Variants in DELE1 observed in about 807,000 individuals in gnomAD.
The protein encoded by DELE1 is death ligand signal enhancer.
A neutral mutation model predicts 59.3 loss-of-function variants in DELE1; 54 were observed. The ratio of observed to expected loss-of-function variants is 0.91; its 90% CI spans 0.73 to 1.14. The LOEUF (loss-of-function observed/expected upper bound fraction) is 1.14. Ranked by LOEUF, DELE1 falls within the 50% of genes most tolerant of loss-of-function variation. The pLI, the probability that DELE1 is intolerant of heterozygous loss-of-function variation, is 0.00. For missense variants in DELE1, 636 were observed against 643.9 expected (o/e 0.99, Z 0.13); for synonymous variants, 264 against 259.1 (o/e 1.02, Z -0.18).
At chr5:141,936,970 C>T (rs1316332509) in intron 10 of DELE1, 15 of 1,368,214 alleles carry the variant, frequency 1.1e-5, no homozygotes, top group Non-Finnish European at 1.4e-5. Context: ...ACTGCCCTGG[C>T]TGGAATCTCC....
Position 141,940,964 on chromosome 5 carries a change from G to A in DELE1, c.*2205G>A, listed in dbSNP as rs1752703862. 2 of 975,552 alleles carry A rather than the reference G, an allele frequency of 2.1e-6. No individual in the cohort carries two copies. The highest frequency in any genetic ancestry group is 2.4e-6 in the Non-Finnish European group (2 of 820,976). 60.4% of individuals were successfully genotyped at this position (975,552 alleles called of 1,614,324 possible). The stretch of plus-strand genomic sequence containing the variant: ...TCACAATACACATCAGCATATTTGA[G>A]GTTCCAAGAAGTCCTCCAGTAAAGA... On this transcript the variant is annotated 3_prime_UTR_variant, in exon 12 of 12. Coordinates refer to ENST00000432126, the MANE Select transcript of DELE1 (RefSeq NM_014773.5).
At position 141,933,406 on chromosome 5, in the gene DELE1, TCCCCTGCC is replaced by T. The variant is rs1752098833; in HGVS notation, c.897+9_897+16del. On this transcript the variant is annotated splice_donor_region_variant and intron_variant, in intron 8 of 11. Coordinates refer to ENST00000432126, the MANE Select transcript of DELE1 (RefSeq NM_014773.5). ...ACCCCCAGGGACATTAGCAAGGTAT[TCCCCTGCC>T]CCCAAGCCTGCCTTCTGTGCTGGGC... 6.8e-7 allele frequency: 1 copy of T among 1,473,884 alleles called. No homozygotes were observed. The allele number at this position is 1,473,884 out of a possible 1,614,324, so 91.3% of individuals were successfully genotyped here.
chr5:141,933,917 C>CT, intron 8 of DELE1: 1 of 188,396 alleles, frequency 5.3e-6, no homozygotes, highest in Non-Finnish European at 1.1e-5. Context: ...CTCTCTCTGC[C>CT]CCCCCCCACA....
In DELE1 at chr5:141,941,689, G is replaced by A. The variant is rs1015532392; in HGVS notation, c.*2930G>A. 27 of 985,250 alleles carry A rather than the reference G, an allele frequency of 2.7e-5. No homozygotes were observed. The highest frequency in any genetic ancestry group is 1.2e-4 in the African/African-American group (7 of 57,208). The allele number at this position is 985,250 out of a possible 1,614,324, so 61.0% of individuals were successfully genotyped here. A position where few individuals can be genotyped will look rare whatever the true frequency, so the allele number is the denominator to read the frequency against. ...CTCTACTGCCTCAGTTTCCCTATCC[G>A]GAGATGCTGTTTTCAGGGAGTCCTG... On this transcript the variant is annotated 3_prime_UTR_variant, in exon 12 of 12. Transcript: ENST00000432126.
intron 10 of DELE1, among the ~76,000 whole-genome samples, chr5:141,935,561 A>G (rs1213155178): frequency 6.6e-6 from 1 of 152,232 alleles, no homozygotes; most frequent in Non-Finnish European, 1.5e-5. Context: ...CCTGGGCATC[A>G]GAATGCTTTT....
chr5:141,939,924 G>A lies in DELE1; in HGVS notation c.*1165G>A, dbSNP rs1005846146. On this transcript the variant is annotated 3_prime_UTR_variant, in exon 12 of 12. Transcript: ENST00000432126. ...GTTGCATGACTTTATGAGTCGCTGG[G>A]CCAGGGTGAGGACCTGGGCCTCCTG... The A allele has an allele frequency of 1.2e-6, 1 of 819,788 alleles. No homozygotes were observed. Among genetic ancestry groups the A allele is most frequent in the Non-Finnish European group, 1.5e-6 (1 of 679,206 alleles). The allele number at this position is 819,788 out of a possible 1,614,324, so 50.8% of individuals were successfully genotyped here. A position where few individuals can be genotyped will look rare whatever the true frequency, so the allele number is the denominator to read the frequency against.
Position 141,939,195 on chromosome 5 carries a change from A to T in DELE1, c.*436A>T. On this transcript the variant is annotated 3_prime_UTR_variant, in exon 12 of 12. Coordinates refer to ENST00000432126, the MANE Select transcript of DELE1 (RefSeq NM_014773.5). Reference sequence around the variant, plus strand: ...AAGATTTTAGATGGTATTCAAATTAATATTTTCTATTTAGTTATATATTTA... The same window carrying T: ...AAGATTTTAGATGGTATTCAAATTATTATTTTCTATTTAGTTATATATTTA... 1 of 763,930 alleles carries T rather than the reference A, an allele frequency of 1.3e-6. No individual in the cohort carries two copies. The highest frequency in any genetic ancestry group is 1.6e-6 in the Non-Finnish European group (1 of 628,126). The allele number at this position is 763,930 out of a possible 1,614,324, so 47.3% of individuals were successfully genotyped here. A position where few individuals can be genotyped will look rare whatever the true frequency, so the allele number is the denominator to read the frequency against.
rs754026691 is a variant in DELE1, at chr5:141,941,965, A to G, written c.*3206A>G. 2.5e-4 allele frequency: 246 copies of G among 984,064 alleles called. No individual in the cohort carries two copies. Among genetic ancestry groups the G allele is most frequent in the Non-Finnish European group, 2.9e-4 (239 of 829,064 alleles). 61.0% of individuals were successfully genotyped at this position (984,064 alleles called of 1,614,324 possible). A position where few individuals can be genotyped will look rare whatever the true frequency, so the allele number is the denominator to read the frequency against. On this transcript the variant is annotated 3_prime_UTR_variant, in exon 12 of 12. Coordinates refer to ENST00000432126, the MANE Select transcript of DELE1 (RefSeq NM_014773.5). ...CCCCACTCGCCGCCTATACACACGC[A>G]CACACGCACACACACACACACGGTT... is the stretch of plus-strand genomic sequence containing the variant.
chr5:141,925,347 C>A, intron 2 of DELE1, 63 bp from the exon 3 acceptor site: 1 of 1,134,768 alleles, frequency 8.8e-7, no homozygotes, highest in Non-Finnish European at 1.2e-6. Context: ...AGGTGTGAGC[C>A]ACCGCACCCA....
In DELE1 at chr5:141,929,987, A is replaced by G; in HGVS notation, c.572-2A>G. ...GGCCGGGTGTCGGCCTTTCCCTTGC[A>G]GGTCCCGGTGATTTTGGCTTCCTGC... On this transcript the variant is annotated splice_acceptor_variant, in intron 5 of 11. Coordinates refer to ENST00000432126, the MANE Select transcript of DELE1 (RefSeq NM_014773.5). LOFTEE classifies it high-confidence loss of function. 1 of 1,613,890 alleles carries G rather than the reference A, an allele frequency of 6.2e-7. No individual in the cohort carries two copies. The highest frequency in any genetic ancestry group is 1.7e-5 in the Admixed American group (1 of 60,028).
chr5:141,938,708 C>T lies in DELE1; in HGVS notation c.1497C>T (p.Pro499=), dbSNP rs1488509398. 1.2e-6 allele frequency: 2 copies of T among 1,614,118 alleles called. No homozygotes were observed. The highest frequency in any genetic ancestry group is 2.2e-5 in the East Asian group (1 of 44,878). ...ASLEASSRAI[P]PHPYPLERSV... ...TGGAAGCCTCCAGCAGGGCTATTCC[C>T]CCACACCCCTACCCACTGGAAAGGA... The change falls in exon 12 of 12, where the codon CCC becomes CCT. Residue 499 remains proline, a synonymous_variant. Coordinates refer to ENST00000432126, the MANE Select transcript of DELE1 (RefSeq NM_014773.5).
At chr5:141,937,536 C>G (rs905346100) in intron 11 of DELE1, among the ~76,000 whole-genome samples, 179 bp downstream of exon 11, 1 of 151,754 alleles carries the variant, frequency 6.6e-6, no homozygotes, top group African/African-American at 2.4e-5. Context: ...TTTGGGAGGC[C>G]GAGACTGGCA....
rs1326893629 is a variant in DELE1, at chr5:141,925,458, A to G, written c.195A>G (p.Gly65=). The change falls in exon 3 of 12, where the codon GGA becomes GGG. Residue 65 remains glycine, a synonymous_variant. Coordinates refer to ENST00000432126, the MANE Select transcript of DELE1 (RefSeq NM_014773.5). ...PGTSGGPRSH[G]WKDAFQWMSS... ...CGAGCGGGGGTCCAAGGTCCCATGGATGGAAGGATGCCTTCCAATGGATGT... is the reference window on the plus strand; with the variant it reads ...CGAGCGGGGGTCCAAGGTCCCATGGGTGGAAGGATGCCTTCCAATGGATGT... 6.2e-7 allele frequency: 1 copy of G among 1,604,180 alleles called. No homozygotes were observed. Among genetic ancestry groups the G allele is most frequent in the African/African-American group, 1.3e-5 (1 of 74,222 alleles).
Position 141,938,643 on chromosome 5 carries a change from C to G in DELE1, c.1432C>G (p.Leu478Val). 1 of 1,614,184 alleles carries G rather than the reference C, an allele frequency of 6.2e-7. No homozygotes were observed. The change falls in exon 12 of 12, where the codon CTT becomes GTT. Residue 478 changes from leucine to valine, a missense_variant. By Grantham distance (32) the Leu-to-Val change is conservative. Coordinates refer to ENST00000432126, the MANE Select transcript of DELE1 (RefSeq NM_014773.5). ...RLPHASSTGN[L>V]GLLCRSGHLG... ...ACCACATGCCTCGAGCACAGGCAAC[C>G]TTGGCCTCCTCTGCAGAAGTGGGCA...
At chr5:141,933,181 G>A in intron 7 of DELE1, 78 bp from the exon 8 acceptor site, 1 of 1,148,418 alleles carries the variant, frequency 8.7e-7, no homozygotes, top group South Asian at 2.5e-5. Flanking sequence ...GATCAGATGA[G>A]GAGTCTGTAG....
In DELE1 at chr5:141,939,532, G is replaced by T; in HGVS notation, c.*773G>T. Reference sequence around the variant, plus strand: ...AAGAAGTTTCTTGCCCAAATGCCTGGATGTGTCTGCTTGACTTTCAGAACT... The same window carrying T: ...AAGAAGTTTCTTGCCCAAATGCCTGTATGTGTCTGCTTGACTTTCAGAACT... On this transcript the variant is annotated 3_prime_UTR_variant, in exon 12 of 12. Transcript: ENST00000432126. The T allele has an allele frequency of 1.0e-6, 1 of 985,798 alleles. No individual in the cohort carries two copies. The highest frequency in any genetic ancestry group is 1.2e-6 in the Non-Finnish European group (1 of 829,938). The allele number at this position is 985,798 out of a possible 1,614,324, so 61.1% of individuals were successfully genotyped here. A position where few individuals can be genotyped will look rare whatever the true frequency, so the allele number is the denominator to read the frequency against.
At chr5:141,934,658 G>A in intron 10 of DELE1, 72 bp downstream of exon 10, 2 of 1,391,622 alleles carry the variant, frequency 1.4e-6, no homozygotes, top group Non-Finnish European at 2.0e-6. Flanking sequence ...AACTGGTACT[G>A]AGTTCTTCTG....
intron 10 of DELE1, chr5:141,935,140 G>A (rs1752256416): frequency 6.5e-6 from 1 of 154,458 alleles, no homozygotes; most frequent in African/African-American, 2.4e-5. Context: ...AGTGGAGACA[G>A]TAAACAGGGA....
In DELE1 at chr5:141,929,606, G is replaced by A; in HGVS notation, c.437G>A (p.Ser146Asn). 1.2e-6 allele frequency: 2 copies of A among 1,613,960 alleles called. No individual in the cohort carries two copies. The highest frequency in any genetic ancestry group is 1.7e-6 in the Non-Finnish European group (2 of 1,180,008). ...GCACTGCGACAACACATCCTCCCCA[G>A]CCCCGATGGCCCAGCTCCCAGGCAC... The part of the protein sequence containing the change: ...CSSLRQHILP[S>N]PDGPAPRHTG... The change falls in exon 5 of 12, where the codon AGC (serine) becomes AAC (asparagine). Residue 146 changes from serine (S) to asparagine (N), a missense_variant. Coordinates refer to ENST00000432126, the MANE Select transcript of DELE1 (RefSeq NM_014773.5).
Sources: gnomAD v4.1 joint callset for allele counts (sites outside exome capture counted in the v4.1 genomes callset) on GRCh38, gnomAD v4.1.1 for gene constraint, MANE v1.5 for transcripts, NCBI Gene and HGNC (gene_info 2026-07-23, HGNC 2026-07-21) for gene names.